CCT4: variants seen among roughly 807,000 people sequenced by gnomAD.
The protein encoded by CCT4 is chaperonin containing TCP1 subunit 4.
A neutral mutation model predicts 62.5 loss-of-function variants in CCT4; 17 were observed. The ratio of observed to expected loss-of-function variants is 0.27; its 90% confidence interval spans 0.19 to 0.41. The LOEUF is 0.41. CCT4 is among the 10% of genes least tolerant of loss of function. CCT4 has a pLI of 1.00. For synonymous variants in CCT4, 250 were observed against 229.9 expected, an observed-to-expected ratio of 1.09 and a Z score of -0.79; for missense variants, 592 against 659.2, an observed-to-expected ratio of 0.90 and a Z score of 1.12.
chr2:61,872,699 G>C lies in CCT4; in HGVS notation c.1126-111C>G. On this transcript the variant is annotated intron_variant, in intron 10 of 13. Coordinates refer to ENST00000394440, the MANE Select transcript of CCT4 (RefSeq NM_006430.4). ...ACCCAACACTTTGGGAGGATGAGGC[G>C]GGTGGCTAACGAGGTGAGGAGATCG... 5.6e-6 allele frequency: 6 copies of C among 1,069,984 alleles called. No homozygotes were observed. In the South Asian group the frequency reaches 6.0e-5, roughly 11 times the overall value. The allele number at this position is 1,069,984 out of a possible 1,614,324, so 66.3% of individuals were successfully genotyped here. A position where few individuals can be genotyped will look rare whatever the true frequency, so the allele number is the denominator to read the frequency against.
At chr2:61,886,922 C>T (rs1669266819) in intron 1 of CCT4, among the ~76,000 whole-genome samples, 1 of 152,028 alleles carries the variant, frequency 6.6e-6, no homozygotes, top group African/African-American at 2.4e-5. Flanking sequence ...AACACACCCA[C>T]CTAATTTTGT....
intron 13 of CCT4, 33 bp downstream of exon 13, chr2:61,869,405 CCT>C (rs1558502603): frequency 8.8e-7 from 1 of 1,137,048 alleles, no homozygotes; most frequent in African/African-American, 1.5e-5. Context: ...GCCTTTTTGA[CCT>C]CCTAAGAAAA....
At position 61,888,596 on chromosome 2, in the gene CCT4, C is replaced by A; in HGVS notation, c.-89G>T. 1 of 1,459,164 alleles carries A rather than the reference C, an allele frequency of 6.9e-7. No homozygotes were observed. The allele number at this position is 1,459,164 out of a possible 1,614,324, so 90.4% of individuals were successfully genotyped here. A position where few individuals can be genotyped will look rare whatever the true frequency, so the allele number is the denominator to read the frequency against. On this transcript the variant is annotated 5_prime_UTR_variant, in exon 1 of 14. Transcript: ENST00000394440. ...GCAGTGTAATAACGGTAAGCCCTCA[C>A]TGCCTTCACGAACCTTCCAGAAAGC...
chr2:61,870,094 G>A (rs1325869906), intron 12 of CCT4, among the ~76,000 whole-genome samples: 1 of 150,580 alleles, frequency 6.6e-6, no homozygotes, highest in African/African-American at 2.4e-5. Context: ...TGGCTAACAC[G>A]GTGAAACCCT....
At position 61,868,475 on chromosome 2, in the gene CCT4, A is replaced by G. The variant is rs1668820752; in HGVS notation, c.*217T>C. The stretch of plus-strand genomic sequence containing the variant: ...TATTAGTTTTTCAAAAGTATCAGAA[A>G]TAACAGAATGTTGGGAGAAGATAAA... On this transcript the variant is annotated 3_prime_UTR_variant, in exon 14 of 14. Coordinates refer to ENST00000394440, the MANE Select transcript of CCT4 (RefSeq NM_006430.4). 2.0e-6 allele frequency: 1 copy of G among 492,376 alleles called. No homozygotes were observed. The highest frequency in any genetic ancestry group is 1.9e-5 in the African/African-American group (1 of 52,084). 30.5% of individuals were successfully genotyped at this position (492,376 alleles called of 1,614,324 possible).
At chr2:61,881,777 G>A (rs1669120475) in intron 3 of CCT4, among the ~76,000 whole-genome samples, 1 of 151,732 alleles carries the variant, frequency 6.6e-6, no homozygotes, top group Non-Finnish European at 1.5e-5. Context: ...TGATTAACAT[G>A]CTGTGGTATA....
rs114833001 is a variant in CCT4, at chr2:61,874,142, A to G, written c.918-849T>C. ...CAACTCTGTGATACTAGAAAGGTAG[A>G]TATTACTACTATCCCTATTATACGG... On this transcript the variant is annotated intron_variant, in intron 8 of 13. Coordinates refer to ENST00000394440, the MANE Select transcript of CCT4 (RefSeq NM_006430.4). 5.0e-3 allele frequency among the ~76,000 whole-genome samples: 760 copies of G among 152,300 alleles called. 3 individuals carry two copies. Among genetic ancestry groups the G allele is most frequent in the African/African-American group, 0.018 (740 of 41,560 alleles).
In CCT4 at chr2:61,876,121, G is replaced by A; in HGVS notation, c.891C>T (p.Val297=). ...VKQIKKTGCN[V]LLIQKSILRD... is the part of the protein sequence containing the mutation. ...TTAGAATAGATTTCTGTATGAGAAGGACATTACATCCTGTTTTTTTAATTT... is the reference window on the plus strand; with the variant it reads ...TTAGAATAGATTTCTGTATGAGAAGAACATTACATCCTGTTTTTTTAATTT... The change falls in exon 8 of 14, where the codon GTC becomes GTT. Residue 297 remains valine (V), a synonymous_variant. Coordinates refer to ENST00000394440, the MANE Select transcript of CCT4 (RefSeq NM_006430.4). The A allele has an allele frequency of 6.2e-7, 1 of 1,603,638 alleles. No individual in the cohort carries two copies. The highest frequency in any genetic ancestry group is 8.5e-7 in the Non-Finnish European group (1 of 1,171,220).
intron 4 of CCT4, among the ~76,000 whole-genome samples, chr2:61,879,256 CTTTTTTTTT>C (rs35373962): frequency 2.0e-5 from 2 of 101,078 alleles, no homozygotes; most frequent in Non-Finnish European, 1.8e-5. Context: ...AAATTTTATA[CTTTTTTTTT>C]TTTTTTTTTT....
chr2:61,880,523 T>C (rs1391508000), intron 3 of CCT4, 129 bp from the exon 4 acceptor site: 3 of 645,488 alleles, frequency 4.6e-6, no homozygotes, highest in African/African-American at 3.7e-5. Context: ...TTTCTTCTGA[T>C]TTGTTGTCTA....
chr2:61,868,602 A>G lies in CCT4; in HGVS notation c.*90T>C. ...GACCAAGCCCAGAAATTCAGAGGAAATAATCTTCCAAACAAGGAACACCAA... is the reference window on the plus strand; with the variant it reads ...GACCAAGCCCAGAAATTCAGAGGAAGTAATCTTCCAAACAAGGAACACCAA... On this transcript the variant is annotated 3_prime_UTR_variant, in exon 14 of 14. Coordinates refer to ENST00000394440, the MANE Select transcript of CCT4 (RefSeq NM_006430.4). 1 of 990,868 alleles carries G rather than the reference A, an allele frequency of 1.0e-6. No individual in the cohort carries two copies. Among genetic ancestry groups the G allele is most frequent in the Admixed American group, 1.8e-5 (1 of 54,994 alleles). The allele number at this position is 990,868 out of a possible 1,614,324, so 61.4% of individuals were successfully genotyped here.
In CCT4 at chr2:61,872,685, T is replaced by C. The variant is rs1211379804; in HGVS notation, c.1126-97A>G. ...GCTCACGCCTGTAAACCCAACACTT[T>C]GGGAGGATGAGGCGGGTGGCTAACG... On this transcript the variant is annotated intron_variant, in intron 10 of 13. Coordinates refer to ENST00000394440, the MANE Select transcript of CCT4 (RefSeq NM_006430.4). The C allele has an allele frequency of 1.7e-5, 22 of 1,262,818 alleles. No individual in the cohort carries two copies. The East Asian group carries it at 4.9e-4, about 28-fold the overall frequency. 78.2% of individuals were successfully genotyped at this position (1,262,818 alleles called of 1,614,324 possible).
At position 61,876,952 on chromosome 2, in the gene CCT4, T is replaced by A. The variant is rs962527558; in HGVS notation, c.745A>T (p.Ile249Phe). The A allele has an allele frequency of 6.2e-7, 1 of 1,613,726 alleles. No individual in the cohort carries two copies. The highest frequency in any genetic ancestry group is 1.3e-5 in the African/African-American group (1 of 75,060). ...TRVEKAKIGL[I>F]QFCLSAPKTD... ...TTGGGAGCAGATAAGCAAAACTGAA[T>A]AAGCCCAATCTTGGCCTTTTCAACT... is the stretch of plus-strand genomic sequence containing the variant. Residue 249 changes from isoleucine (I) to phenylalanine (F), a missense_variant, in exon 7 of 14, where the codon ATT becomes TTT. Transcript: ENST00000394440.
chr2:61,873,318 G>C lies in CCT4; in HGVS notation c.918-25C>G, dbSNP rs115460183. On this transcript the variant is annotated intron_variant, in intron 8 of 13. Transcript: ENST00000394440. ...TCTAAAATACAAAATCAGTGATTAT[G>C]TCAATGCTAGATTAAAAAAATTTTG... 1.9e-3 allele frequency: 2,426 copies of C among 1,299,620 alleles called. 31 individuals are homozygous for C. In the African/African-American group the frequency reaches 0.031, roughly 17 times the overall value. The allele number at this position is 1,299,620 out of a possible 1,614,324, so 80.5% of individuals were successfully genotyped here. A position where few individuals can be genotyped will look rare whatever the true frequency, so the allele number is the denominator to read the frequency against.
chr2:61,869,359 A>C (rs1668837610), intron 13 of CCT4, 81 bp downstream of exon 13: 5 of 751,054 alleles, frequency 6.7e-6, no homozygotes, highest in East Asian at 2.8e-5. Flanking sequence ...AACCAACCAA[A>C]CAACAACAAC....
At chr2:61,869,980 A>C (rs1433667938) in intron 12 of CCT4, among the ~76,000 whole-genome samples, 3 of 151,174 alleles carry the variant, frequency 2.0e-5, no homozygotes, top group Non-Finnish European at 4.4e-5. Context: ...ACAGTAGTTA[A>C]AAATTATGAT....
chr2:61,885,475 A>G (rs1403956381), intron 1 of CCT4, among the ~76,000 whole-genome samples: 1 of 152,110 alleles, frequency 6.6e-6, no homozygotes, highest in East Asian at 1.9e-4. Flanking sequence ...CAGTGAGGCA[A>G]TCTCGGCTCA....
At chr2:61,874,620 A>G (rs980506492) in intron 8 of CCT4, among the ~76,000 whole-genome samples, 1 of 152,180 alleles carries the variant, frequency 6.6e-6, no homozygotes, top group Non-Finnish European at 1.5e-5. Context: ...CCAAAAAAAA[A>G]AAAAGAAGGA....
chr2:61,877,747 G>T (rs1372417641), intron 5 of CCT4, among the ~76,000 whole-genome samples: 1 of 152,016 alleles, frequency 6.6e-6, no homozygotes, highest in Non-Finnish European at 1.5e-5. Flanking sequence ...TAATATAATA[G>T]CCGGGACTGT....
Sources: allele counts gnomAD v4.1 joint callset (sites outside exome capture counted in the v4.1 genomes callset), GRCh38; gene constraint gnomAD v4.1.1; transcripts MANE v1.5; gene names NCBI Gene and HGNC (gene_info 2026-07-23, HGNC 2026-07-21).